Variants in ISOC1 observed in about 807,000 individuals in gnomAD.
ISOC1 encodes isochorismatase domain-containing protein 1.
In ISOC1, 33 loss-of-function variants were observed where a neutral mutation model predicts 30.0. The ratio of observed to expected loss-of-function variants is 1.10; its 90% CI spans 0.83 to 1.47. ISOC1 has a LOEUF of 1.47. Ranked by LOEUF, ISOC1 falls within the 40% of genes most tolerant of loss-of-function variation. ISOC1 has a pLI of 0.00. For missense variants in ISOC1, 372 were observed against 388.0 expected (o/e 0.96, Z 0.35); for synonymous variants, 178 against 159.8 (o/e 1.11, Z -0.86).
intron 1 of ISOC1, among the ~76,000 whole-genome samples, chr5:129,102,989 A>G (rs752457346): frequency 4.3e-4 from 66 of 152,216 alleles, no homozygotes; most frequent in Non-Finnish European, 9.3e-4. Flanking sequence ...GCAACTGCCC[A>G]GGAATTTTAT....
At position 129,094,865 on chromosome 5, in the gene ISOC1, A is replaced by C. The variant is rs1165929383; in HGVS notation, c.99A>C (p.Ser33=). The change falls in exon 1 of 5, where the codon TCA becomes TCC. Residue 33 remains serine, a synonymous_variant. Transcript: ENST00000173527. ...SGTVPVLFCF[S]VFARPSSVPH... ...CAGTCCCGGTGCTCTTCTGTTTCTC[A>C]GTCTTCGCGCGACCCTCGTCGGTGC... The C allele has an allele frequency of 1.9e-6, 3 of 1,590,070 alleles. No individual in the cohort carries two copies. The highest frequency in any genetic ancestry group is 2.6e-6 in the Non-Finnish European group (3 of 1,170,440).
chr5:129,101,192 A>AAAAAAAAATAT (rs1554064627), intron 1 of ISOC1, among the ~76,000 whole-genome samples: 4 of 42,234 alleles, frequency 9.5e-5, no homozygotes, highest in African/African-American at 5.5e-4. Context: ...AAAAAAAAAA[A>AAAAAAAAATAT]ATATATATAT....
At chr5:129,100,630 T>C (rs1753559229) in intron 1 of ISOC1, among the ~76,000 whole-genome samples, 1 of 152,194 alleles carries the variant, frequency 6.6e-6, no homozygotes, top group African/African-American at 2.4e-5. Context: ...GTCTTACAGT[T>C]GCAACATGTA....
At chr5:129,107,801 C>T (rs1753657100) in intron 4 of ISOC1, among the ~76,000 whole-genome samples, 1 of 152,118 alleles carries the variant, frequency 6.6e-6, no homozygotes, top group Non-Finnish European at 1.5e-5. Flanking sequence ...TGACTGTGGA[C>T]ACCACTCACA....
At chr5:129,096,828 A>G (rs762298679) in intron 1 of ISOC1, among the ~76,000 whole-genome samples, 6 of 152,290 alleles carry the variant, frequency 3.9e-5, no homozygotes, top group Admixed American at 6.5e-5. Context: ...CTTATCTAAG[A>G]TAATGCTATT....
In ISOC1 at chr5:129,112,839, T is replaced by C. The variant is rs1206287514; in HGVS notation, c.751-16T>C. 1.9e-6 allele frequency: 3 copies of C among 1,608,524 alleles called. No homozygotes were observed. Among genetic ancestry groups the C allele is most frequent in the East Asian group, 2.2e-5 (1 of 44,840 alleles). On this transcript the variant is annotated splice_polypyrimidine_tract_variant and intron_variant, in intron 4 of 4. Coordinates refer to ENST00000173527, the MANE Select transcript of ISOC1 (RefSeq NM_016048.2). ...TCATGCTTATTTCTTGATTTGCCTT[T>C]ATCTTTTTGTTCAAGCGTCTCGCTC...
chr5:129,095,935 TA>T (rs1250889364), intron 1 of ISOC1, among the ~76,000 whole-genome samples: 2 of 152,226 alleles, frequency 1.3e-5, no homozygotes, highest in Non-Finnish European at 2.9e-5. Context: ...ATAATTTAGG[TA>T]GTACACTGTC....
intron 1 of ISOC1, among the ~76,000 whole-genome samples, chr5:129,104,116 A>G (rs1380099873): frequency 2.6e-5 from 4 of 152,136 alleles, no homozygotes; most frequent in African/African-American, 9.7e-5. Flanking sequence ...CGTGATAACT[A>G]TAGTTTAAGA....
At chr5:129,111,558 G>A (rs533985166) in intron 4 of ISOC1, among the ~76,000 whole-genome samples, 2 of 152,134 alleles carry the variant, frequency 1.3e-5, no homozygotes, top group Non-Finnish European at 2.9e-5. Flanking sequence ...CCTAGGAATT[G>A]TTTCCAACCA....
Position 129,105,255 on chromosome 5 carries a change from C to T in ISOC1, c.500C>T (p.Thr167Met), listed in dbSNP as rs746472861. ...TEQYPKGLGS[T>M]VQEIDLTGVK... ...CAATACCCTAAAGGTCTTGGGAGCACGGTTCAAGAAATTGATTTAACAGGT... is the reference window on the plus strand; with the variant it reads ...CAATACCCTAAAGGTCTTGGGAGCATGGTTCAAGAAATTGATTTAACAGGT... Residue 167 changes from threonine (T) to methionine (M), a missense_variant, in exon 3 of 5, where the codon ACG (threonine) becomes ATG (methionine). Thr to Met is a moderately conservative substitution (Grantham distance 81, BLOSUM62 -1). Coordinates refer to ENST00000173527, the MANE Select transcript of ISOC1 (RefSeq NM_016048.2). 21 of 1,613,372 alleles carry T rather than the reference C, an allele frequency of 1.3e-5. No homozygotes were observed. Among genetic ancestry groups the T allele is most frequent in the East Asian group, 2.2e-5 (1 of 44,850 alleles).
In ISOC1 at chr5:129,095,006, C is replaced by A; in HGVS notation, c.240C>A (p.Tyr80Ter). The A allele has an allele frequency of 6.2e-7, 1 of 1,607,222 alleles. No homozygotes were observed. Among genetic ancestry groups the A allele is most frequent in the Non-Finnish European group, 8.5e-7 (1 of 1,178,676 alleles). ...TGTTCGCCGAGGAGTGGGGCCAGTACGTGGACTTGCCCAAGGGCTTCGCGG... is the reference window on the plus strand; with the variant it reads ...TGTTCGCCGAGGAGTGGGGCCAGTAAGTGGACTTGCCCAAGGGCTTCGCGG... The part of the protein sequence containing the change: ...VQLFAEEWGQ[Y>*]VDLPKGFAVS... The change falls in exon 1 of 5, where the codon TAC becomes TAA. Residue 80 changes from tyrosine (Y) to a stop codon, truncating the protein, a stop_gained. Coordinates refer to ENST00000173527, the MANE Select transcript of ISOC1 (RefSeq NM_016048.2). LOFTEE classifies it high-confidence loss of function.
chr5:129,103,419 T>G (rs988539826), intron 1 of ISOC1, among the ~76,000 whole-genome samples: 1 of 152,148 alleles, frequency 6.6e-6, no homozygotes, highest in Non-Finnish European at 1.5e-5. Context: ...TAATCATGCT[T>G]TATTGGAAAA....
intron 1 of ISOC1, among the ~76,000 whole-genome samples, chr5:129,101,948 G>A (rs1488362837): frequency 3.3e-5 from 5 of 152,100 alleles, no homozygotes; most frequent in African/African-American, 7.2e-5. Flanking sequence ...TTGTTGGATC[G>A]GGGTTGTGAA....
chr5:129,111,257 A>C (rs1753705412), intron 4 of ISOC1, among the ~76,000 whole-genome samples: 1 of 151,756 alleles, frequency 6.6e-6, no homozygotes, highest in Admixed American at 6.6e-5. Context: ...CCCCCCCATA[A>C]ATAGCTGCTG....
Position 129,094,758 on chromosome 5 carries a change from C to A in ISOC1, c.-9C>A. On this transcript the variant is annotated 5_prime_UTR_variant, in exon 1 of 5. Coordinates refer to ENST00000173527, the MANE Select transcript of ISOC1 (RefSeq NM_016048.2). ...GGCGGCCTCGGAGCTCGCAGACGCT[C>A]GGGGGAACATGGCGGCTGCGGAGCC... 6.8e-7 allele frequency: 1 copy of A among 1,469,440 alleles called. No individual in the cohort carries two copies. Among genetic ancestry groups the A allele is most frequent in the Non-Finnish European group, 9.0e-7 (1 of 1,114,906 alleles). The allele number at this position is 1,469,440 out of a possible 1,614,324, so 91.0% of individuals were successfully genotyped here.
At chr5:129,107,146 G>T in intron 4 of ISOC1, 84 bp downstream of exon 4, 1 of 1,104,140 alleles carries the variant, frequency 9.1e-7, no homozygotes, top group South Asian at 1.3e-5. Flanking sequence ...AGTAATGAAA[G>T]GTTTACCTCC....
At chr5:129,095,816 C>T (rs1426666778) in intron 1 of ISOC1, among the ~76,000 whole-genome samples, 1 of 152,176 alleles carries the variant, frequency 6.6e-6, no homozygotes. Flanking sequence ...TACTTAACAG[C>T]ATTTATTTTA....
Position 129,113,087 on chromosome 5 carries a change from A to G in ISOC1, c.*86A>G, listed in dbSNP as rs905308756. The G allele has an allele frequency of 6.3e-6, 8 of 1,265,060 alleles. No individual in the cohort carries two copies. The highest frequency in any genetic ancestry group is 7.5e-6 in the Non-Finnish European group (7 of 932,642). The allele number at this position is 1,265,060 out of a possible 1,614,324, so 78.4% of individuals were successfully genotyped here. A position where few individuals can be genotyped will look rare whatever the true frequency, so the allele number is the denominator to read the frequency against. On this transcript the variant is annotated 3_prime_UTR_variant, in exon 5 of 5. Transcript: ENST00000173527. ...GCCCACACAAGCTCTTCTTATCTCT[A>G]CTAGAATTAAAATGTTAAGTCAAAA...
chr5:129,112,394 T>A (rs1254811728), intron 4 of ISOC1, among the ~76,000 whole-genome samples: 2 of 152,124 alleles, frequency 1.3e-5, no homozygotes, highest in African/African-American at 2.4e-5. Flanking sequence ...AAAAGTTTAA[T>A]AAATTTAGAA....
Sources: gnomAD v4.1 joint callset for allele counts (sites outside exome capture counted in the v4.1 genomes callset) on GRCh38, gnomAD v4.1.1 for gene constraint, MANE v1.5 for transcripts, NCBI Gene and HGNC (gene_info 2026-07-23, HGNC 2026-07-21) for gene names.